ADAMTS3: variants seen among roughly 807,000 people sequenced by gnomAD.
ADAMTS3 encodes the protein A disintegrin and metalloproteinase with thrombospondin motifs 3.
ADAMTS3 carries 73 observed loss-of-function variants against 129.0 expected under a neutral mutation model. That is an observed-to-expected ratio of 0.57 (90% confidence interval 0.47 to 0.69). ADAMTS3 has a LOEUF of 0.69. ADAMTS3 is among the 30% of genes least tolerant of loss of function. The probability of loss-of-function intolerance (pLI) is 0.00; values close to 1 mark genes in which losing one functional copy is unlikely to be tolerated. For missense variants in ADAMTS3, 1,457 were observed against 1,514.5 expected (o/e 0.96, Z 0.63); for synonymous variants, 477 against 510.8 (o/e 0.93, Z 0.89).
intron 4 of ADAMTS3, among the ~76,000 whole-genome samples, chr4:72,406,106 G>A (rs190094256): frequency 4.6e-4 from 70 of 152,178 alleles, no homozygotes; most frequent in African/African-American, 1.7e-3. Flanking sequence ...GTCAATGTGG[G>A]TCCCATACCA....
At chr4:72,358,493 T>A (rs1343285547) in intron 4 of ADAMTS3, among the ~76,000 whole-genome samples, 1 of 151,998 alleles carries the variant, frequency 6.6e-6, no homozygotes, top group African/African-American at 2.4e-5. Context: ...GTATGAACTA[T>A]TCATTTTTCG....
chr4:72,516,884 G>A (rs923453693), intron 3 of ADAMTS3, among the ~76,000 whole-genome samples: 2 of 152,070 alleles, frequency 1.3e-5, no homozygotes, highest in African/African-American at 4.8e-5. Flanking sequence ...TTGAATAGGA[G>A]TGGTGAGAGA....
chr4:72,535,396 T>G (rs1293352361), intron 3 of ADAMTS3, among the ~76,000 whole-genome samples: 1 of 152,180 alleles, frequency 6.6e-6, no homozygotes, highest in South Asian at 2.1e-4. Context: ...AGCTCAGAAG[T>G]TGACTTTAAG....
At chr4:72,298,478 G>A (rs371059959) in intron 17 of ADAMTS3, 36 bp from the exon 18 acceptor site, 2 of 1,472,920 alleles carry the variant, frequency 1.4e-6, no homozygotes, top group Non-Finnish European at 1.8e-6. Context: ...TAAATCACCT[G>A]AGGGTTTTAA....
chr4:72,392,769 T>G (rs1721630077), intron 4 of ADAMTS3, among the ~76,000 whole-genome samples: 3 of 152,122 alleles, frequency 2.0e-5, no homozygotes, highest in Non-Finnish European at 4.4e-5. Flanking sequence ...TAAAACAAAT[T>G]TTTTTCACTT....
rs1253338595 is a variant in ADAMTS3 at position 72,474,500 on chromosome 4, C to G, written c.505-59529G>C. Among the ~76,000 whole-genome samples the G allele has an allele frequency of 7.2e-5, 11 of 152,006 alleles. No individual in the cohort carries two copies. In the East Asian group the frequency reaches 1.7e-3, roughly 24 times the overall value. ...AACTGGAAAGCAGAATAGATGTTAT[C>G]TAATCTGAACAAAAGAAAGAAAATA... On this transcript the variant is annotated intron_variant, in intron 3 of 21. Coordinates refer to ENST00000286657, the MANE Select transcript of ADAMTS3 (RefSeq NM_014243.3).
chr4:72,304,413 T>C (rs1413640604), intron 16 of ADAMTS3, among the ~76,000 whole-genome samples: 1 of 152,182 alleles, frequency 6.6e-6, no homozygotes, highest in Non-Finnish European at 1.5e-5. Context: ...AAACTGGGAA[T>C]ATCTTGAAAA....
intron 3 of ADAMTS3, among the ~76,000 whole-genome samples, chr4:72,536,897 C>A (rs1040096179): frequency 1.3e-5 from 2 of 152,042 alleles, no homozygotes; most frequent in African/African-American, 2.4e-5. Flanking sequence ...ACTAAAAAAA[C>A]CCAAATTTAA....
At chr4:72,492,851 C>T (rs1421964268) in intron 3 of ADAMTS3, among the ~76,000 whole-genome samples, 2 of 151,812 alleles carry the variant, frequency 1.3e-5, no homozygotes, top group Non-Finnish European at 3.0e-5. Context: ...GCCTTCAGAT[C>T]TATCAATATT....
chr4:72,534,325 T>TC (rs1721133232), intron 3 of ADAMTS3, among the ~76,000 whole-genome samples: 1 of 148,624 alleles, frequency 6.7e-6, no homozygotes, highest in African/African-American at 2.5e-5. Flanking sequence ...AGACTCCGTC[T>TC]CAAAAAAAAA....
At position 72,553,056 on chromosome 4, in the gene ADAMTS3, T is replaced by C. The variant is rs147297397; in HGVS notation, c.98-4172A>G. Among the ~76,000 whole-genome samples, 345 of 34,650 alleles carry C rather than the reference T, an allele frequency of 1.0e-2. 2 individuals are homozygous for C. The highest frequency in any genetic ancestry group is 0.039 in the African/African-American group (328 of 8,430). 22.7% of individuals were successfully genotyped at this position (34,650 alleles called of 152,430 possible). A position where few individuals can be genotyped will look rare whatever the true frequency, so the allele number is the denominator to read the frequency against. On this transcript the variant is annotated intron_variant, in intron 2 of 21. Coordinates refer to ENST00000286657, the MANE Select transcript of ADAMTS3 (RefSeq NM_014243.3). ...ATCCATGAATGAAGAAATGAAGAAA[T>C]GCGTGAATGAATGAGAGCAGTTTGA...
intron 3 of ADAMTS3, among the ~76,000 whole-genome samples, chr4:72,518,211 A>T (rs1317128774): frequency 6.6e-6 from 1 of 152,090 alleles, no homozygotes; most frequent in Non-Finnish European, 1.5e-5. Flanking sequence ...ACAGTTTGTT[A>T]TAATTTCTGT....
At chr4:72,289,270 TG>T (rs998517752) in intron 20 of ADAMTS3, among the ~76,000 whole-genome samples, 89 of 152,198 alleles carry the variant, frequency 5.8e-4, no homozygotes, top group Non-Finnish European at 7.9e-4. Flanking sequence ...TGGTAACATC[TG>T]CTGTAGTTTC....
chr4:72,491,162 GA>G (rs1318771011), intron 3 of ADAMTS3, among the ~76,000 whole-genome samples: 1 of 151,610 alleles, frequency 6.6e-6, no homozygotes, highest in Non-Finnish European at 1.5e-5. Flanking sequence ...TTGTTCTGTT[GA>G]TTTTTTATTA....
chr4:72,462,686 T>C (rs747665138), intron 3 of ADAMTS3, among the ~76,000 whole-genome samples: 18 of 152,126 alleles, frequency 1.2e-4, no homozygotes, highest in Non-Finnish European at 2.6e-4. Context: ...GTTCGTGTTT[T>C]AGTTTTTAAT....
At chr4:72,367,081 G>C (rs77174398) in intron 4 of ADAMTS3, among the ~76,000 whole-genome samples, 1 of 152,062 alleles carries the variant, frequency 6.6e-6, no homozygotes, top group Non-Finnish European at 1.5e-5. Flanking sequence ...TGATTTTAAA[G>C]ACACATTTTT....
intron 4 of ADAMTS3, among the ~76,000 whole-genome samples, chr4:72,345,602 A>T (rs1465815445): frequency 6.6e-6 from 1 of 152,136 alleles, no homozygotes; most frequent in Non-Finnish European, 1.5e-5. Flanking sequence ...TTATGATGTC[A>T]ATTCAAAAGT....
intron 4 of ADAMTS3, among the ~76,000 whole-genome samples, chr4:72,410,945 C>A (rs1578656586): frequency 6.6e-6 from 1 of 152,204 alleles, no homozygotes; most frequent in East Asian, 1.9e-4. Flanking sequence ...TATTCGTTTG[C>A]TAGAAACTGG....
At chr4:72,484,119 A>C (rs1255052563) in intron 3 of ADAMTS3, among the ~76,000 whole-genome samples, 1 of 152,120 alleles carries the variant, frequency 6.6e-6, no homozygotes, top group African/African-American at 2.4e-5. Flanking sequence ...ATCCCATCTA[A>C]TTTACCCCAA....
Sources: gnomAD v4.1 joint callset for allele counts (sites outside exome capture counted in the v4.1 genomes callset) on GRCh38, gnomAD v4.1.1 for gene constraint, MANE v1.5 for transcripts, NCBI Gene and HGNC (gene_info 2026-07-23, HGNC 2026-07-21) for gene names.